The following BMPER variants were observed in gnomAD, a reference collection of about 807,000 sequenced individuals.
The protein encoded by BMPER is BMP-binding endothelial regulator protein.
Under a neutral mutation model 87.3 loss-of-function variants are expected in BMPER, and 45 were observed. That is an observed-to-expected ratio of 0.52 (90% confidence interval 0.41 to 0.66). The LOEUF (loss-of-function observed/expected upper bound fraction) is 0.66. Among genes scored for constraint, BMPER ranks in the 30% least tolerant of loss-of-function variants. The pLI, the probability that BMPER is intolerant of heterozygous loss-of-function variation, is 0.00. For missense variants in BMPER, 784 were observed against 867.5 expected (o/e 0.90, Z 1.21); for synonymous variants, 326 against 316.2 (o/e 1.03, Z -0.33).
intron 5 of BMPER, among the ~76,000 whole-genome samples, chr7:33,973,953 G>A (rs1785614863): frequency 6.6e-6 from 1 of 152,108 alleles, no homozygotes; most frequent in Admixed American, 6.5e-5. Flanking sequence ...CACCTCCTGG[G>A]TTTTGGTCCT....
At chr7:34,140,084 A>C (rs1405106822) in intron 13 of BMPER, among the ~76,000 whole-genome samples, 1 of 152,200 alleles carries the variant, frequency 6.6e-6, no homozygotes, top group Non-Finnish European at 1.5e-5. Flanking sequence ...GTGTCGTCCT[A>C]GGTTTGCAGT....
chr7:34,023,325 T>C (rs1787248276), intron 6 of BMPER, among the ~76,000 whole-genome samples: 1 of 152,100 alleles, frequency 6.6e-6, no homozygotes, highest in African/African-American at 2.4e-5. Context: ...AGAGGTCTGA[T>C]GGCACTAGGG....
chr7:33,969,362 G>T (rs372901715), intron 4 of BMPER, among the ~76,000 whole-genome samples: 3 of 152,154 alleles, frequency 2.0e-5, no homozygotes, highest in Non-Finnish European at 4.4e-5. Context: ...GGTGATTAGA[G>T]TCCCAATATC....
In BMPER at chr7:34,010,750, G is replaced by GT. The variant is rs764580917; in HGVS notation, c.577-35553dup. ...TACTTCTTAATATGATCTTTCAAAG[G>GT]TTTGCGTGGGATGATATTCTACATT... On this transcript the variant is annotated intron_variant, in intron 6 of 14. Coordinates refer to ENST00000649409, the MANE Select transcript of BMPER (RefSeq NM_001365308.1). Among the ~76,000 whole-genome samples the GT allele has an allele frequency of 1.2e-3, 184 of 151,912 alleles. 1 individual carries two copies. The highest frequency in any genetic ancestry group is 0.01 in the Middle Eastern group (3 of 294).
chr7:34,047,810 T>TTCCTTCCTTCCTTC (rs1304068233), intron 7 of BMPER, among the ~76,000 whole-genome samples: 1 of 74,628 alleles, frequency 1.3e-5, no homozygotes, highest in East Asian at 3.8e-4. Flanking sequence ...TTCCTTCCTT[T>TTCCTTCCTTCCTTC]CTTCCTCACT....
intron 3 of BMPER, among the ~76,000 whole-genome samples, chr7:33,941,997 G>A (rs539290577): frequency 2.0e-4 from 30 of 152,216 alleles, no homozygotes; most frequent in Non-Finnish European, 1.2e-4. Flanking sequence ...TGCACACAGC[G>A]TGTACCTAAC....
chr7:33,961,720 G>A (rs909253959), intron 3 of BMPER, among the ~76,000 whole-genome samples: 7 of 152,254 alleles, frequency 4.6e-5, no homozygotes, highest in Non-Finnish European at 5.9e-5. Flanking sequence ...CAGCTGTAGC[G>A]CAAGAGAGTA....
At chr7:33,960,778 G>C (rs1785250745) in intron 3 of BMPER, among the ~76,000 whole-genome samples, 1 of 152,180 alleles carries the variant, frequency 6.6e-6, no homozygotes, top group Non-Finnish European at 1.5e-5. Flanking sequence ...TCCAGTGAAT[G>C]TCACCCTTTC....
intron 11 of BMPER, chr7:34,067,098 C>T (rs1788613142): frequency 6.6e-6 from 1 of 152,168 alleles, no homozygotes; most frequent in South Asian, 2.1e-4. Context: ...ATTGAAATAA[C>T]CTCAACTACA....
intron 3 of BMPER, among the ~76,000 whole-genome samples, chr7:33,939,102 G>C (rs749583133): frequency 2.0e-5 from 3 of 152,226 alleles, no homozygotes; most frequent in Admixed American, 6.5e-5. Flanking sequence ...TGCATTTACC[G>C]TACTGCATGT....
intron 2 of BMPER, among the ~76,000 whole-genome samples, chr7:33,934,893 A>C (rs890205898): frequency 1.1e-4 from 17 of 152,212 alleles, no homozygotes; most frequent in African/African-American, 4.1e-4. Flanking sequence ...TCTGTTAATG[A>C]AGTTCTTTCA....
At chr7:33,913,294 C>A (rs1373236549) in intron 2 of BMPER, among the ~76,000 whole-genome samples, 1 of 152,142 alleles carries the variant, frequency 6.6e-6, no homozygotes, top group Non-Finnish European at 1.5e-5. Context: ...TCCATGGGAA[C>A]CAGCAAGGGG....
intron 13 of BMPER, among the ~76,000 whole-genome samples, chr7:34,136,564 C>T (rs753611346): frequency 1.2e-3 from 177 of 152,260 alleles, no homozygotes; most frequent in Non-Finnish European, 1.8e-3. Context: ...TATCTTCTCC[C>T]TCCCCTGTTT....
At chr7:34,114,989 A>G (rs1477477134) in intron 13 of BMPER, among the ~76,000 whole-genome samples, 2 of 152,266 alleles carry the variant, frequency 1.3e-5, no homozygotes, top group Non-Finnish European at 2.9e-5. Context: ...TTTTAAAAAG[A>G]ATATTCAATT....
chr7:34,146,416 C>T (rs767638118), intron 14 of BMPER, among the ~76,000 whole-genome samples: 2 of 151,890 alleles, frequency 1.3e-5, no homozygotes, highest in Admixed American at 6.6e-5. Flanking sequence ...ACCTATGGCA[C>T]AAAGGACTAA....
chr7:34,117,518 G>A (rs1458810734), intron 13 of BMPER, among the ~76,000 whole-genome samples: 2 of 152,132 alleles, frequency 1.3e-5, no homozygotes, highest in African/African-American at 4.8e-5. Flanking sequence ...CTCTTGATAC[G>A]CAGTCTCTCT....
chr7:33,944,444 G>A (rs975192177), intron 3 of BMPER, among the ~76,000 whole-genome samples: 2 of 152,306 alleles, frequency 1.3e-5, no homozygotes, highest in African/African-American at 4.8e-5. Flanking sequence ...TGGGATTACA[G>A]GCATGAGCCA....
At chr7:34,049,466 A>G (rs61473579) in intron 7 of BMPER, among the ~76,000 whole-genome samples, 5,336 of 152,256 alleles carry the variant, frequency 0.035, 287 homozygotes, top group African/African-American at 0.12. Context: ...CCATTCCTCC[A>G]CCTGTGGAAC....
chr7:33,997,002 C>T (rs1334118616), intron 6 of BMPER, among the ~76,000 whole-genome samples: 3 of 152,164 alleles, frequency 2.0e-5, no homozygotes, highest in Non-Finnish European at 4.4e-5. Flanking sequence ...TGTAACCTAT[C>T]TTGGGGGATA....
Sources: allele counts gnomAD v4.1 joint callset (sites outside exome capture counted in the v4.1 genomes callset), GRCh38; gene constraint gnomAD v4.1.1; transcripts MANE v1.5; gene names NCBI Gene and HGNC (gene_info 2026-07-23, HGNC 2026-07-21).